SEPTIN9: variants seen among roughly 807,000 people sequenced by gnomAD.
SEPTIN9 encodes septin 9.
Under a neutral mutation model 56.6 loss-of-function variants are expected in SEPTIN9, and 13 were observed. That is an observed-to-expected ratio of 0.23 (90% CI 0.15 to 0.37). The LOEUF is 0.37. SEPTIN9 is among the 10% of genes least tolerant of loss of function. SEPTIN9 has a pLI of 1.00. For missense variants in SEPTIN9, 650 were observed against 823.1 expected, an observed-to-expected ratio of 0.79 and a Z score of 2.57; for synonymous variants, 332 against 334.1, an observed-to-expected ratio of 0.99 and a Z score of 0.07.
At chr17:77,381,745 C>A (rs1278621907) in intron 2 of SEPTIN9, among the ~76,000 whole-genome samples, 2 of 152,160 alleles carry the variant, frequency 1.3e-5, no homozygotes, top group Non-Finnish European at 2.9e-5. Context: ...TCCTTGGGAT[C>A]CACTCGAGGA....
intron 2 of SEPTIN9, chr17:77,320,209 A>AGAGGAGGAG (rs372287642): frequency 3.7e-6 from 6 of 1,602,874 alleles, no homozygotes; most frequent in South Asian, 2.2e-5. Context: ...GAGTGTTTTT[A>AGAGGAGGAG]GAGGAGGAGG....
chr17:77,378,708 A>G (rs890965624), intron 2 of SEPTIN9, among the ~76,000 whole-genome samples: 16 of 152,156 alleles, frequency 1.1e-4, no homozygotes, highest in African/African-American at 3.6e-4. Flanking sequence ...TGAGCCCGAC[A>G]GGTACTCAGG....
At chr17:77,315,348 C>T (rs2032658745) in intron 2 of SEPTIN9, among the ~76,000 whole-genome samples, 1 of 150,664 alleles carries the variant, frequency 6.6e-6, no homozygotes, top group South Asian at 2.1e-4. Flanking sequence ...AGTGCAGTGG[C>T]GTGATCTAGG....
chr17:77,335,142 A>T (rs957421612), intron 2 of SEPTIN9, among the ~76,000 whole-genome samples: 14 of 151,658 alleles, frequency 9.2e-5, no homozygotes, highest in Non-Finnish European at 1.8e-4. Context: ...ATATACATGT[A>T]GGCCCTATGT....
At chr17:77,472,101 T>C (rs1229493074) in intron 3 of SEPTIN9, among the ~76,000 whole-genome samples, 1 of 152,090 alleles carries the variant, frequency 6.6e-6, no homozygotes, top group East Asian at 1.9e-4. Context: ...TGGCCCAAGA[T>C]TGATGTCTCA....
chr17:77,433,326 G>A lies in SEPTIN9; in HGVS notation c.721+30623G>A, dbSNP rs983470222. 5.3e-5 allele frequency among the ~76,000 whole-genome samples: 8 copies of A among 152,026 alleles called. No homozygotes were observed. The East Asian group carries it at 1.5e-3, about 29-fold the overall frequency. On this transcript the variant is annotated intron_variant, in intron 3 of 11. Coordinates refer to ENST00000427177, the MANE Select transcript of SEPTIN9 (RefSeq NM_001113491.2). The surrounding 1 kb of genome is among the most constrained non-coding windows in gnomAD (Gnocchi z 6.4). ...CTTCACTGGCCATTGCCTGAGACCC[G>A]ACCTGGTGGCTCCTGCCCCAAGGAG...
At chr17:77,314,972 C>T (rs954888594) in intron 2 of SEPTIN9, among the ~76,000 whole-genome samples, 2 of 152,212 alleles carry the variant, frequency 1.3e-5, no homozygotes, top group African/African-American at 4.8e-5. Context: ...TCCTACTGGG[C>T]CCCTGTGGAG....
chr17:77,397,539 A>G (rs567013545), intron 2 of SEPTIN9, among the ~76,000 whole-genome samples: 2 of 152,134 alleles, frequency 1.3e-5, no homozygotes, highest in Non-Finnish European at 2.9e-5. Flanking sequence ...TCAACCCTCT[A>G]CAGAACCTCA....
intron 2 of SEPTIN9, among the ~76,000 whole-genome samples, chr17:77,397,776 A>G (rs1467315688): frequency 6.6e-6 from 1 of 152,114 alleles, no homozygotes; most frequent in Middle Eastern, 3.4e-3. Flanking sequence ...CAGCCTTCCA[A>G]GTAGCTGGGA....
chr17:77,292,871 TG>T (rs1216661768), intron 1 of SEPTIN9, among the ~76,000 whole-genome samples: 1 of 152,206 alleles, frequency 6.6e-6, no homozygotes, highest in African/African-American at 2.4e-5. Context: ...CCACGTGATC[TG>T]TGATCTTCCC....
chr17:77,282,464 A>C (rs992225482), intron 1 of SEPTIN9, among the ~76,000 whole-genome samples: 46 of 152,138 alleles, frequency 3.0e-4, no homozygotes, highest in African/African-American at 1.1e-3. Context: ...CCTGCCAAGG[A>C]TCCATGAATT....
At chr17:77,479,241 A>G (rs1251681044) in intron 3 of SEPTIN9, among the ~76,000 whole-genome samples, 1 of 152,250 alleles carries the variant, frequency 6.6e-6, no homozygotes, top group Non-Finnish European at 1.5e-5. Flanking sequence ...TCGTGGTCAC[A>G]GACAATGGAG....
intron 2 of SEPTIN9, among the ~76,000 whole-genome samples, chr17:77,390,195 T>G (rs1352194887): frequency 6.6e-6 from 1 of 151,618 alleles, no homozygotes; most frequent in Non-Finnish European, 1.5e-5. Flanking sequence ...AAGCAGAAGC[T>G]GCTACGTGGC....
chr17:77,448,001 CTGTGG>C lies in SEPTIN9; in HGVS notation c.722-34142_722-34138del, dbSNP rs1472323335. 3.9e-3 allele frequency among the ~76,000 whole-genome samples: 593 copies of C among 152,336 alleles called. 3 individuals carry two copies. The highest frequency in any genetic ancestry group is 0.013 in the African/African-American group (534 of 41,580). On this transcript the variant is annotated intron_variant, in intron 3 of 11. Coordinates refer to ENST00000427177, the MANE Select transcript of SEPTIN9 (RefSeq NM_001113491.2). ...AGGCGGGTGACACTGATGGTGGGATCTGTGGCCTCACCAGTGTCTTATGAGAGATG... is the reference window on the plus strand; with the variant it reads ...AGGCGGGTGACACTGATGGTGGGATCCCTCACCAGTGTCTTATGAGAGATG...
intron 2 of SEPTIN9, among the ~76,000 whole-genome samples, chr17:77,307,793 G>T (rs945497864): frequency 2.6e-5 from 4 of 152,228 alleles, no homozygotes; most frequent in Non-Finnish European, 5.9e-5. Context: ...TCCAGGACAC[G>T]AGTTACAGCT....
intron 4 of SEPTIN9, among the ~76,000 whole-genome samples, chr17:77,485,582 G>C (rs1351777187): frequency 6.6e-6 from 1 of 151,894 alleles, no homozygotes; most frequent in Non-Finnish European, 1.5e-5. Flanking sequence ...ATAATAAAGG[G>C]ATACACCTTG....
intron 3 of SEPTIN9, among the ~76,000 whole-genome samples, chr17:77,461,444 G>A (rs1259318186): frequency 6.6e-6 from 1 of 152,212 alleles, no homozygotes; most frequent in Non-Finnish European, 1.5e-5. Context: ...CTACAGAATT[G>A]AAGGAGGGGA....
intron 3 of SEPTIN9, among the ~76,000 whole-genome samples, chr17:77,413,174 T>C (rs2036366835): frequency 6.6e-6 from 1 of 151,780 alleles, no homozygotes; most frequent in African/African-American, 2.4e-5. Context: ...CAAAAACAAT[T>C]TGGATGCATT....
At chr17:77,470,477 C>T (rs2038948190) in intron 3 of SEPTIN9, among the ~76,000 whole-genome samples, 1 of 151,554 alleles carries the variant, frequency 6.6e-6, no homozygotes, top group Non-Finnish European at 1.5e-5. Context: ...CACTCACCCA[C>T]CCATCCACTC....
Sources: gnomAD v4.1 joint callset for allele counts (sites outside exome capture counted in the v4.1 genomes callset) on GRCh38, gnomAD v4.1.1 for gene constraint, Gnocchi (gnomAD v3.1) non-coding constraint, MANE v1.5 for transcripts, NCBI Gene and HGNC (gene_info 2026-07-23, HGNC 2026-07-21) for gene names.